The following MLIP variants were observed in gnomAD, a reference collection of about 807,000 sequenced individuals.
MLIP encodes muscular LMNA interacting protein.
MLIP carries 79 observed loss-of-function variants against 84.8 expected under a neutral mutation model. That is an observed-to-expected ratio of 0.93 (90% CI 0.78 to 1.12). The LOEUF (loss-of-function observed/expected upper bound fraction) is 1.12. Ranked by LOEUF, MLIP falls within the 50% of genes most tolerant of loss-of-function variation. The pLI is 0.00. For synonymous variants in MLIP, 504 were observed against 463.0 expected (o/e 1.09, Z -1.14); for missense variants, 1,257 against 1,160.6 (o/e 1.08, Z -1.21).
chr6:54,119,133 G>T (rs1032142198), intron 1 of MLIP, among the ~76,000 whole-genome samples: 1 of 152,146 alleles, frequency 6.6e-6, no homozygotes, highest in African/African-American at 2.4e-5. Flanking sequence ...CGGTATGGAG[G>T]TTCCTCAAAA....
chr6:54,117,770 C>A (rs1770075543), intron 1 of MLIP, among the ~76,000 whole-genome samples: 2 of 151,556 alleles, frequency 1.3e-5, no homozygotes, highest in Admixed American at 6.6e-5. Context: ...CATGGTGAAA[C>A]CCCGTCTCTA....
At chr6:54,093,805 C>CA (rs1181445624) in intron 1 of MLIP, among the ~76,000 whole-genome samples, 14 of 152,180 alleles carry the variant, frequency 9.2e-5, no homozygotes, top group African/African-American at 3.4e-4. Flanking sequence ...TATTTCTTTG[C>CA]ATATTTTCTT....
chr6:54,038,473 T>C (rs1764567221), intron 1 of MLIP, among the ~76,000 whole-genome samples: 1 of 151,970 alleles, frequency 6.6e-6, no homozygotes, highest in African/African-American at 2.4e-5. Flanking sequence ...TTAAAAACTC[T>C]GTTCTTTATA....
At chr6:54,033,827 C>T (rs1764276074) in intron 1 of MLIP, among the ~76,000 whole-genome samples, 1 of 152,100 alleles carries the variant, frequency 6.6e-6, no homozygotes, top group African/African-American at 2.4e-5. Flanking sequence ...TATTATTCTT[C>T]ATTCTTGAAA....
At chr6:54,026,691 C>A (rs1367143183) in intron 1 of MLIP, among the ~76,000 whole-genome samples, 2 of 146,426 alleles carry the variant, frequency 1.4e-5, no homozygotes, top group Non-Finnish European at 3.0e-5. Flanking sequence ...CTATGAAAAT[C>A]TAAATGAAGA....
chr6:54,080,717 A>AAT (rs940191139), intron 1 of MLIP, among the ~76,000 whole-genome samples: 1 of 148,176 alleles, frequency 6.7e-6, no homozygotes, highest in African/African-American at 2.4e-5. Context: ...TAATTTATAT[A>AAT]ATATATATAT....
intron 10 of MLIP, among the ~76,000 whole-genome samples, chr6:54,201,107 C>T (rs911523352): frequency 5.3e-5 from 8 of 152,172 alleles, no homozygotes; most frequent in South Asian, 2.1e-4. Context: ...TGACATTTTA[C>T]GGGGTAACAA....
chr6:54,063,078 C>T (rs748801750), intron 1 of MLIP, among the ~76,000 whole-genome samples: 3 of 151,876 alleles, frequency 2.0e-5, no homozygotes, highest in African/African-American at 7.3e-5. Context: ...TGGTGGCGTA[C>T]GCCTGTAATC....
chr6:54,065,308 A>C (rs969844584), intron 1 of MLIP, among the ~76,000 whole-genome samples: 1 of 100,324 alleles, frequency 1.0e-5, no homozygotes, highest in African/African-American at 2.6e-5. Context: ...CTAAATTATA[A>C]AGAATTATCA....
At chr6:54,032,110 TC>T (rs370328340) in intron 1 of MLIP, among the ~76,000 whole-genome samples, 3 of 152,286 alleles carry the variant, frequency 2.0e-5, no homozygotes, top group African/African-American at 7.2e-5. Context: ...TCTATTTTTT[TC>T]ATGCTATGTT....
intron 3 of MLIP, among the ~76,000 whole-genome samples, chr6:54,132,368 G>T (rs1227898473): frequency 6.6e-6 from 1 of 152,176 alleles, no homozygotes; most frequent in Non-Finnish European, 1.5e-5. Context: ...GATGAAATGA[G>T]ATTTCTAAGA....
chr6:54,226,858 G>A (rs1227958455), intron 11 of MLIP, among the ~76,000 whole-genome samples: 1 of 152,204 alleles, frequency 6.6e-6, no homozygotes, highest in Non-Finnish European at 1.5e-5. Flanking sequence ...AAAGTTGGAG[G>A]TGGGGTGACT....
chr6:54,257,386 T>C, intron 13 of MLIP, 25 bp downstream of exon 13: 1 of 1,502,778 alleles, frequency 6.7e-7, no homozygotes, highest in Non-Finnish European at 9.2e-7. Flanking sequence ...GGACTGGATA[T>C]CTAATTATCC....
At chr6:54,094,739 C>G (rs1044742596) in intron 1 of MLIP, among the ~76,000 whole-genome samples, 2 of 152,058 alleles carry the variant, frequency 1.3e-5, no homozygotes, top group Non-Finnish European at 2.9e-5. Context: ...TGCCACCCAC[C>G]GACCCCAAAT....
At chr6:54,026,806 T>C (rs893433346) in intron 1 of MLIP, among the ~76,000 whole-genome samples, 4 of 152,022 alleles carry the variant, frequency 2.6e-5, no homozygotes, top group African/African-American at 9.7e-5. Flanking sequence ...CCAACTAGTA[T>C]GGTGAGGAGC....
intron 12 of MLIP, among the ~76,000 whole-genome samples, chr6:54,237,517 G>T (rs1440066968): frequency 2.6e-5 from 4 of 151,884 alleles, no homozygotes; most frequent in African/African-American, 9.7e-5. Context: ...TTATGTTTAT[G>T]ATCTAATTTT....
At chr6:54,034,750 T>C (rs57004654) in intron 1 of MLIP, among the ~76,000 whole-genome samples, 8,306 of 152,108 alleles carry the variant, frequency 0.055, 706 homozygotes, top group African/African-American at 0.19. Flanking sequence ...AAAAATATTT[T>C]TATGTATTTA....
intron 11 of MLIP, chr6:54,215,240 G>C: frequency 6.6e-7 from 1 of 1,514,540 alleles, no homozygotes; most frequent in Non-Finnish European, 8.8e-7. Flanking sequence ...AGTTACTGTA[G>C]CCTTTGACTT....
intron 1 of MLIP, among the ~76,000 whole-genome samples, chr6:54,070,305 GA>G (rs1334331294): frequency 6.6e-6 from 1 of 152,046 alleles, no homozygotes; most frequent in Non-Finnish European, 1.5e-5. Context: ...TATGATGTTA[GA>G]TTTTTTTGTA....
Sources: allele counts gnomAD v4.1 joint callset (sites outside exome capture counted in the v4.1 genomes callset), GRCh38; gene constraint gnomAD v4.1.1; transcripts MANE v1.5; gene names NCBI Gene and HGNC (gene_info 2026-07-23, HGNC 2026-07-21).